Variants in MRAP2 observed in about 807,000 individuals in gnomAD.
MRAP2 encodes melanocortin 2 receptor accessory protein 2.
MRAP2 carries 20 observed loss-of-function variants against 17.4 expected under a neutral mutation model. The observed-to-expected ratio is 1.15, with a 90% confidence interval of 0.81 to 1.67. MRAP2 has a LOEUF of 1.67. Among genes scored for constraint, MRAP2 ranks in the 40% most tolerant of loss-of-function variants. The pLI, the probability that MRAP2 is intolerant of heterozygous loss-of-function variation, is 0.00. For missense variants in MRAP2, 238 were observed against 240.0 expected (o/e 0.99, Z 0.05); for synonymous variants, 96 against 88.4 (o/e 1.09, Z -0.48).
intron 1 of MRAP2, among the ~76,000 whole-genome samples, chr6:84,047,928 A>G (rs774085543): frequency 7.2e-5 from 11 of 152,242 alleles, no homozygotes; most frequent in Non-Finnish European, 1.3e-4. Flanking sequence ...TTCAACGTTC[A>G]TCAATGTTGT....
At chr6:84,102,814 A>T in the MRAP2 span, among the ~76,000 whole-genome samples, 18 of 152,224 alleles carry the variant, frequency 1.2e-4, no homozygotes, top group South Asian at 2.1e-4. Context: ...TTAAAAAAAA[A>T]AATAATGTGA....
At chr6:84,130,582 T>C in the MRAP2 span, among the ~76,000 whole-genome samples, 1 of 152,212 alleles carries the variant, frequency 6.6e-6, no homozygotes, top group Non-Finnish European at 1.5e-5. Context: ...TCGTTTAGAC[T>C]TGGGAGGGTG....
the MRAP2 span, among the ~76,000 whole-genome samples, chr6:84,100,691 TCTA>T: frequency 2.0e-5 from 3 of 152,348 alleles, no homozygotes; most frequent in African/African-American, 7.2e-5. Flanking sequence ...GAAAGAAATT[TCTA>T]CTTTCTCTGT....
intron 3 of MRAP2, among the ~76,000 whole-genome samples, chr6:84,071,212 G>A (rs2099496111): frequency 6.6e-6 from 1 of 152,162 alleles, no homozygotes; most frequent in Admixed American, 6.5e-5. Context: ...CTGTTTTGAT[G>A]TGTTTCCAGG....
intron 1 of MRAP2, among the ~76,000 whole-genome samples, chr6:84,054,448 A>C (rs1025040663): frequency 3.3e-5 from 5 of 152,174 alleles, no homozygotes; most frequent in African/African-American, 1.2e-4. Context: ...AAATATCATA[A>C]ATTTCAGGAG....
At chr6:84,098,831 TA>T in the MRAP2 span, among the ~76,000 whole-genome samples, 5 of 152,170 alleles carry the variant, frequency 3.3e-5, no homozygotes, top group Non-Finnish European at 5.9e-5. Context: ...GAGAGTTCTT[TA>T]TATTCTGTAA....
chr6:84,055,483 T>A, intron 2 of MRAP2, 38 bp downstream of exon 2: 7 of 1,594,246 alleles, frequency 4.4e-6, no homozygotes, highest in Non-Finnish European at 6.0e-6. Context: ...AGCATAATTG[T>A]ATTTCTCTTA....
intron 3 of MRAP2, among the ~76,000 whole-genome samples, chr6:84,069,822 G>A (rs1562884677): frequency 6.6e-6 from 1 of 151,976 alleles, no homozygotes; most frequent in Non-Finnish European, 1.5e-5. Context: ...TAAGCTAGGA[G>A]GGTTGTATTT....
the MRAP2 span, among the ~76,000 whole-genome samples, chr6:84,131,123 C>T: frequency 3.3e-5 from 5 of 152,264 alleles, no homozygotes; most frequent in South Asian, 8.3e-4. Flanking sequence ...ATCCAGTAGT[C>T]CTTCAGGAGC....
chr6:84,064,772 C>T (rs932032957), intron 3 of MRAP2, among the ~76,000 whole-genome samples: 9 of 152,232 alleles, frequency 5.9e-5, no homozygotes, highest in East Asian at 1.9e-4. Context: ...CAGGCGTGAG[C>T]CACCGCGCCG....
At chr6:84,140,660 G>C in the MRAP2 span, among the ~76,000 whole-genome samples, 1 of 151,938 alleles carries the variant, frequency 6.6e-6, no homozygotes, top group South Asian at 2.1e-4. Context: ...TGAGTAGCTG[G>C]GACTACAGGC....
the MRAP2 span, among the ~76,000 whole-genome samples, chr6:84,129,910 A>T: frequency 6.6e-6 from 1 of 151,990 alleles, no homozygotes; most frequent in Non-Finnish European, 1.5e-5. Context: ...ATTGAATAGG[A>T]GTGGTGAGAG....
At chr6:84,103,821 C>A in the MRAP2 span, among the ~76,000 whole-genome samples, 3 of 152,124 alleles carry the variant, frequency 2.0e-5, no homozygotes, top group African/African-American at 7.2e-5. Context: ...GTGCAGGGTA[C>A]GCTTTACTGA....
At chr6:84,066,398 C>G (rs1157211408) in intron 3 of MRAP2, among the ~76,000 whole-genome samples, 1 of 152,088 alleles carries the variant, frequency 6.6e-6, no homozygotes, top group East Asian at 1.9e-4. Context: ...AGAATCAGAA[C>G]ATGTGGAAAA....
At chr6:84,067,004 A>T (rs1004369193) in intron 3 of MRAP2, among the ~76,000 whole-genome samples, 1 of 152,064 alleles carries the variant, frequency 6.6e-6, no homozygotes, top group Non-Finnish European at 1.5e-5. Context: ...TATATGCTAC[A>T]CCATGTTTGT....
chr6:84,067,591 G>A (rs1054838967), intron 3 of MRAP2, among the ~76,000 whole-genome samples: 1 of 152,160 alleles, frequency 6.6e-6, no homozygotes, highest in African/African-American at 2.4e-5. Context: ...GGAGTAAGGT[G>A]ATATCGCACT....
chr6:84,136,940 C>G, the MRAP2 span, among the ~76,000 whole-genome samples: 1 of 152,200 alleles, frequency 6.6e-6, no homozygotes, highest in Admixed American at 6.5e-5. Flanking sequence ...TTTGTATGAA[C>G]TGAAATACTT....
the MRAP2 span, among the ~76,000 whole-genome samples, chr6:84,135,950 A>AC: frequency 2.6e-5 from 4 of 152,224 alleles, no homozygotes; most frequent in Non-Finnish European, 4.4e-5. Context: ...AACTATTGGC[A>AC]TAAGTCTTCC....
the MRAP2 span, among the ~76,000 whole-genome samples, chr6:84,114,880 T>C: frequency 5.3e-5 from 8 of 152,124 alleles, no homozygotes; most frequent in Admixed American, 3.3e-4. Context: ...GCAGACCCTG[T>C]TTTCCTGGGT....
Sources: gnomAD v4.1 joint callset for allele counts (sites outside exome capture counted in the v4.1 genomes callset) on GRCh38, gnomAD v4.1.1 for gene constraint, MANE v1.5 for transcripts, NCBI Gene and HGNC (gene_info 2026-07-23, HGNC 2026-07-21) for gene names.